Variants in MDGA1 observed in about 807,000 individuals in gnomAD.
MDGA1 encodes MAM domain-containing glycosylphosphatidylinositol anchor protein 1.
Under a neutral mutation model 101.5 loss-of-function variants are expected in MDGA1, and 54 were observed. That is an observed-to-expected ratio of 0.53 (90% CI 0.43 to 0.67). MDGA1 has a LOEUF of 0.67. Ranked by LOEUF, MDGA1 falls within the 30% of genes least tolerant of loss-of-function variation. MDGA1 has a pLI of 0.00. For synonymous variants in MDGA1, 533 were observed against 558.3 expected (o/e 0.95, Z 0.64); for missense variants, 1,083 against 1,323.8 (o/e 0.82, Z 2.82).
chr6:37,676,532 A>G (rs1269483726), intron 1 of MDGA1, among the ~76,000 whole-genome samples: 1 of 152,186 alleles, frequency 6.6e-6, no homozygotes, highest in East Asian at 1.9e-4. Flanking sequence ...GCATCTGGGG[A>G]CCCTGAGCCC....
rs1476295304 is a variant in MDGA1, at chr6:37,649,063, C to T, written c.1813G>A (p.Val605Ile). The T allele has an allele frequency of 1.9e-6, 3 of 1,543,028 alleles. No individual in the cohort carries two copies. Among genetic ancestry groups the T allele is most frequent in the East Asian group, 2.5e-5 (1 of 40,226 alleles). Residue 605 changes from valine (V) to isoleucine (I), a missense_variant, in exon 9 of 17, where the codon GTA becomes ATA. Val to Ile is a conservative substitution (Grantham distance 29). Coordinates refer to ENST00000434837, the MANE Select transcript of MDGA1 (RefSeq NM_153487.4). ...PDHAELRLDA[V>I]TRDSSGSYEC... ...TAGCTGCCGCTGCTGTCGCGAGTTA[C>T]GGCGTCGAGGCGCAGCTCCGCGTGA...
At chr6:37,669,619 C>G (rs1338427787) in intron 1 of MDGA1, among the ~76,000 whole-genome samples, 2 of 152,188 alleles carry the variant, frequency 1.3e-5, no homozygotes, top group Non-Finnish European at 2.9e-5. Flanking sequence ...GTTTCTGACC[C>G]TGAACCCCAA....
chr6:37,650,916 C>G (rs533729126), intron 7 of MDGA1, among the ~76,000 whole-genome samples: 1 of 152,344 alleles, frequency 6.6e-6, no homozygotes, highest in South Asian at 2.1e-4. Flanking sequence ...TCGTTAGCTA[C>G]AGCCACGTGA....
At chr6:37,650,737 C>A (rs1761342074) in intron 7 of MDGA1, among the ~76,000 whole-genome samples, 1 of 152,208 alleles carries the variant, frequency 6.6e-6, no homozygotes. Context: ...CTGTCCTACT[C>A]CGGGCCCTGG....
intron 7 of MDGA1, among the ~76,000 whole-genome samples, chr6:37,651,322 T>C (rs1181453125): frequency 6.6e-6 from 1 of 152,228 alleles, no homozygotes; most frequent in Non-Finnish European, 1.5e-5. Flanking sequence ...ATGAGTCCCA[T>C]TGCACATTAC....
In MDGA1 at chr6:37,637,452, C is replaced by T. The variant is rs1454622321; in HGVS notation, c.2784G>A (p.Val928=). 9 of 1,613,024 alleles carry T rather than the reference C, an allele frequency of 5.6e-6. No individual in the cohort carries two copies. Among genetic ancestry groups the T allele is most frequent in the Admixed American group, 1.7e-5 (1 of 60,000 alleles). ...GGCAGGGGGCTCCACTGCCCGGCAT[C>T]ACCACCACTGCAACAGGGGAGAAAG... ...RKQTDPNKVV[V]MPGSGAPCQS... Residue 928 remains valine, a synonymous_variant, in exon 17 of 17, where the codon GTG becomes GTA. Coordinates refer to ENST00000434837, the MANE Select transcript of MDGA1 (RefSeq NM_153487.4).
rs1416323494 is a variant in MDGA1 at position 37,632,708 on chromosome 6, G to A, written c.*4660C>T. On this transcript the variant is annotated 3_prime_UTR_variant, in exon 17 of 17. Coordinates refer to ENST00000434837, the MANE Select transcript of MDGA1 (RefSeq NM_153487.4). ...CAATCATTTCACCCATTAATAAGGG[G>A]GTCTCCTGTTGTGCTTTTACCTTGG... The A allele has an allele frequency of 6.6e-6, 1 of 152,568 alleles. No homozygotes were observed. The highest frequency in any genetic ancestry group is 2.4e-5 in the African/African-American group (1 of 41,410). The allele number at this position is 152,568 out of a possible 1,614,324, so 9.5% of individuals were successfully genotyped here.
chr6:37,654,164 C>A, intron 6 of MDGA1, 110 bp downstream of exon 6: 1 of 1,289,230 alleles, frequency 7.8e-7, no homozygotes, highest in Non-Finnish European at 1.0e-6. Context: ...CATGACTCAT[C>A]TACCAAGGAG....
chr6:37,696,618 G>A lies in MDGA1; in HGVS notation c.67+127C>T. On this transcript the variant is annotated intron_variant, in intron 1 of 16. Transcript: ENST00000434837. This position sits in a 1 kb window ranked among gnomAD's most constrained non-coding sequence, Gnocchi z 5.6. ...TCTCCACGCGCCCTGGAGAGGGCGG[G>A]GACGCGGGCATCCACTCCAGAGTCC... 1 of 888,346 alleles carries A rather than the reference G, an allele frequency of 1.1e-6. No individual in the cohort carries two copies. The highest frequency in any genetic ancestry group is 1.6e-5 in the South Asian group (1 of 64,068). 55.0% of individuals were successfully genotyped at this position (888,346 alleles called of 1,614,324 possible). A position where few individuals can be genotyped will look rare whatever the true frequency, so the allele number is the denominator to read the frequency against.
chr6:37,635,475 G>A lies in MDGA1; in HGVS notation c.*1893C>T, dbSNP rs1351656558. 2.5e-6 allele frequency: 1 copy of A among 398,602 alleles called. No individual in the cohort carries two copies. Among genetic ancestry groups the A allele is most frequent in the Non-Finnish European group, 4.4e-6 (1 of 226,128 alleles). 24.7% of individuals were successfully genotyped at this position (398,602 alleles called of 1,614,324 possible). ...CTGGAGCGACTCATTTCAGACAGAG[G>A]CCTTGACTGGGTCAGGAAGGCAGCC... On this transcript the variant is annotated 3_prime_UTR_variant, in exon 17 of 17. Coordinates refer to ENST00000434837, the MANE Select transcript of MDGA1 (RefSeq NM_153487.4).
chr6:37,696,744 C>A lies in MDGA1; in HGVS notation c.67+1G>T. 6.3e-7 allele frequency: 1 copy of A among 1,579,908 alleles called. No individual in the cohort carries two copies. Among genetic ancestry groups the A allele is most frequent in the Admixed American group, 1.8e-5 (1 of 55,656 alleles). On this transcript the variant is annotated splice_donor_variant, in intron 1 of 16. Transcript: ENST00000434837. LOFTEE classifies it high-confidence loss of function. This position sits in a 1 kb window ranked among gnomAD's most constrained non-coding sequence, Gnocchi z 5.6. ...AGGTGGAGCGGGACGCGGGCTCTTA[C>A]CGTAGACTCCTTGTCCCCGGCAGTG...
In MDGA1 at chr6:37,655,947, G is replaced by A; in HGVS notation, c.383-51C>T. 6.7e-7 allele frequency: 1 copy of A among 1,501,130 alleles called. No individual in the cohort carries two copies. The allele number at this position is 1,501,130 out of a possible 1,614,324, so 93.0% of individuals were successfully genotyped here. On this transcript the variant is annotated intron_variant, in intron 3 of 16. Coordinates refer to ENST00000434837, the MANE Select transcript of MDGA1 (RefSeq NM_153487.4). The surrounding 1 kb of genome is among the most constrained non-coding windows in gnomAD (Gnocchi z 5.1). The stretch of plus-strand genomic sequence containing the variant: ...TCAGGACTGGGTGACCCCAAGGTTG[G>A]GGGGCTCAGGCTCCTGGCAGCCCTT...
At chr6:37,674,463 C>A (rs540674049) in intron 1 of MDGA1, among the ~76,000 whole-genome samples, 19 of 152,356 alleles carry the variant, frequency 1.2e-4, no homozygotes, top group Admixed American at 6.5e-4. Context: ...GGCACCCTTA[C>A]AACTCTCCTC....
chr6:37,690,840 C>T lies in MDGA1; in HGVS notation c.67+5905G>A, dbSNP rs375463223. 3.2e-4 allele frequency among the ~76,000 whole-genome samples: 48 copies of T among 152,122 alleles called. 1 individual carries two copies. The South Asian group carries it at 9.8e-3, about 31-fold the overall frequency. Reference sequence around the variant, plus strand: ...CCCCAGTTCCCTTTCAGCTTATGCTCCAGCCCAACTGAACAGCTCACGAAC... The same window carrying T: ...CCCCAGTTCCCTTTCAGCTTATGCTTCAGCCCAACTGAACAGCTCACGAAC... On this transcript the variant is annotated intron_variant, in intron 1 of 16. Coordinates refer to ENST00000434837, the MANE Select transcript of MDGA1 (RefSeq NM_153487.4).
At chr6:37,691,306 G>A (rs1283367752) in intron 1 of MDGA1, among the ~76,000 whole-genome samples, 2 of 152,126 alleles carry the variant, frequency 1.3e-5, no homozygotes, top group Non-Finnish European at 2.9e-5. Flanking sequence ...AAAACTCTTG[G>A]AACCTCAGTT....
intron 7 of MDGA1, among the ~76,000 whole-genome samples, chr6:37,651,264 A>G (rs963077233): frequency 6.6e-6 from 1 of 152,228 alleles, no homozygotes; most frequent in African/African-American, 2.4e-5. Flanking sequence ...GGCAGAACTT[A>G]ATTCAACCCA....
rs766504576 is a variant in MDGA1 at position 37,638,257 on chromosome 6, G to A, written c.2724C>T (p.Asp908=). Residue 908 remains aspartate, a synonymous_variant, in exon 16 of 17, where the codon GAC becomes GAT. Coordinates refer to ENST00000434837, the MANE Select transcript of MDGA1 (RefSeq NM_153487.4). The surrounding 1 kb of genome is among the most constrained non-coding windows in gnomAD (Gnocchi z 4.8). ...GACACTCCCCCTTCTTCAGTGTGACGTCATCTATGGCAATATCCCCCAGGT... is the reference window on the plus strand; with the variant it reads ...GACACTCCCCCTTCTTCAGTGTGACATCATCTATGGCAATATCCCCCAGGT... The part of the protein sequence containing the change: ...PGYLGDIAID[D]VTLKKGECPR... The A allele has an allele frequency of 1.1e-5, 18 of 1,613,292 alleles. No individual in the cohort carries two copies. Among genetic ancestry groups the A allele is most frequent in the Admixed American group, 5.0e-5 (3 of 59,942 alleles).
intron 1 of MDGA1, among the ~76,000 whole-genome samples, chr6:37,689,354 A>C (rs887993229): frequency 6.6e-6 from 1 of 152,200 alleles, no homozygotes; most frequent in African/African-American, 2.4e-5. Flanking sequence ...TCCTGAGCTC[A>C]GTGCTCATTG....
intron 1 of MDGA1, among the ~76,000 whole-genome samples, chr6:37,667,733 T>C (rs1306617711): frequency 1.3e-5 from 2 of 152,218 alleles, no homozygotes; most frequent in Non-Finnish European, 2.9e-5. Flanking sequence ...TCTTGGACAC[T>C]GTGGCTTGCC....
Sources: gnomAD v4.1 joint callset for allele counts (sites outside exome capture counted in the v4.1 genomes callset) on GRCh38, gnomAD v4.1.1 for gene constraint, Gnocchi (gnomAD v3.1) non-coding constraint, MANE v1.5 for transcripts, NCBI Gene and HGNC (gene_info 2026-07-23, HGNC 2026-07-21) for gene names.